Variants in SGSM1 observed in about 807,000 individuals in gnomAD.
SGSM1 encodes the protein small G protein signaling modulator 1, also known as RUN and TBC1 domain containing 2.
In SGSM1, 73 loss-of-function variants were observed where a neutral mutation model predicts 133.8. The observed-to-expected ratio is 0.55, with a 90% CI of 0.45 to 0.66. The LOEUF (loss-of-function observed/expected upper bound fraction) is 0.66. SGSM1 is among the 30% of genes least tolerant of loss of function. The probability of loss-of-function intolerance (pLI) is 0.00; values close to 1 mark genes in which losing one functional copy is unlikely to be tolerated. For missense variants in SGSM1, 1,213 were observed against 1,448.1 expected, an observed-to-expected ratio of 0.84 and a Z score of 2.64; for synonymous variants, 563 against 573.0, an observed-to-expected ratio of 0.98 and a Z score of 0.25.
chr22:24,851,488 T>A (rs1212843294), intron 5 of SGSM1, among the ~76,000 whole-genome samples: 1 of 134,430 alleles, frequency 7.4e-6, no homozygotes, highest in African/African-American at 2.7e-5. Context: ...GAGAGAGAAA[T>A]ATCTCAGAAT....
At chr22:24,808,270 C>T (rs1167610375) in intron 2 of SGSM1, among the ~76,000 whole-genome samples, 2 of 152,002 alleles carry the variant, frequency 1.3e-5, no homozygotes, top group Non-Finnish European at 2.9e-5. Flanking sequence ...CCACCATGTC[C>T]GGCTAATTTT....
At chr22:24,868,934 A>C in intron 12 of SGSM1, 79 bp downstream of exon 12, 1 of 1,556,252 alleles carries the variant, frequency 6.4e-7, no homozygotes. Context: ...TGAAACTAGA[A>C]GATGACAGGT....
intron 13 of SGSM1, among the ~76,000 whole-genome samples, chr22:24,877,117 G>C (rs548394773): frequency 1.3e-5 from 2 of 152,148 alleles, no homozygotes; most frequent in Non-Finnish European, 2.9e-5. Context: ...ACGATAAAAA[G>C]GCTCTGCCCA....
At chr22:24,903,629 G>T (rs924677321) in intron 20 of SGSM1, among the ~76,000 whole-genome samples, 2 of 151,960 alleles carry the variant, frequency 1.3e-5, no homozygotes, top group African/African-American at 4.8e-5. Flanking sequence ...TAAGGCATAG[G>T]GAGAAATCAT....
intron 21 of SGSM1, among the ~76,000 whole-genome samples, chr22:24,911,037 A>T (rs1283521325): frequency 2.0e-5 from 3 of 152,050 alleles, no homozygotes; most frequent in African/African-American, 7.2e-5. Context: ...GCAGATTGTG[A>T]CTAGCCTGGG....
intron 14 of SGSM1, among the ~76,000 whole-genome samples, chr22:24,882,999 G>A (rs1932417948): frequency 2.0e-5 from 3 of 151,544 alleles, no homozygotes; most frequent in South Asian, 4.2e-4. Context: ...CTGGGTTCAC[G>A]CCATTCTCCT....
intron 13 of SGSM1, among the ~76,000 whole-genome samples, chr22:24,878,314 G>A (rs1246241918): frequency 1.3e-5 from 2 of 152,184 alleles, no homozygotes; most frequent in Non-Finnish European, 2.9e-5. Flanking sequence ...CCCCTCTCCT[G>A]TTGTAGCATC....
chr22:24,883,071 A>AT (rs756077282), intron 14 of SGSM1, among the ~76,000 whole-genome samples: 9,032 of 139,082 alleles, frequency 0.065, 612 homozygotes, highest in African/African-American at 0.18. Context: ...ATTTTTTTGT[A>AT]TTTTTTTTTT....
In SGSM1 at chr22:24,906,535, A is replaced by G. The variant is rs545458697; in HGVS notation, c.2818+1348A>G. 3.3e-5 allele frequency among the ~76,000 whole-genome samples: 5 copies of G among 152,398 alleles called. No homozygotes were observed. In the East Asian group the frequency reaches 9.6e-4, roughly 29 times the overall value. ...CTGATAAGTGTATCAAGGTTGCAGG[A>G]TATAAGATCAATAAACAAGAGTCTC... On this transcript the variant is annotated intron_variant, in intron 21 of 24. Transcript: ENST00000400358.
At chr22:24,862,681 A>G (rs1407297592) in intron 9 of SGSM1, among the ~76,000 whole-genome samples, 3 of 152,182 alleles carry the variant, frequency 2.0e-5, no homozygotes, top group Non-Finnish European at 2.9e-5. Context: ...CAAGGAAAGG[A>G]GGGGAAAATC....
At chr22:24,866,682 A>C (rs1354767983) in intron 9 of SGSM1, among the ~76,000 whole-genome samples, 1 of 152,126 alleles carries the variant, frequency 6.6e-6, no homozygotes, top group Non-Finnish European at 1.5e-5. Context: ...TCCAGACAGG[A>C]TGGGGCATCT....
chr22:24,833,706 A>G (rs1929259634), intron 2 of SGSM1, among the ~76,000 whole-genome samples: 1 of 152,102 alleles, frequency 6.6e-6, no homozygotes, highest in African/African-American at 2.4e-5. Flanking sequence ...AAGGGAACAC[A>G]GTTAAGCCCA....
At chr22:24,886,879 CAT>C (rs1932638532) in intron 16 of SGSM1, among the ~76,000 whole-genome samples, 151 bp downstream of exon 16, 1 of 151,952 alleles carries the variant, frequency 6.6e-6, no homozygotes, top group Admixed American at 6.6e-5. Flanking sequence ...CCAATAGAAA[CAT>C]AACACAAGCC....
At chr22:24,826,024 G>A (rs1320123110) in intron 2 of SGSM1, among the ~76,000 whole-genome samples, 1 of 152,214 alleles carries the variant, frequency 6.6e-6, no homozygotes, top group East Asian at 1.9e-4. Flanking sequence ...ACTGTGCTGG[G>A]TGCTTTAAAC....
Position 24,901,873 on chromosome 22 carries a change from T to A in SGSM1, c.2651T>A (p.Ile884Asn). Reference sequence around the variant, plus strand: ...CTGTACACGGTGAACCTGCACCGCATCGAGAAGGATGTGCAGAGGTGCGAC... The same window carrying A: ...CTGTACACGGTGAACCTGCACCGCAACGAGAAGGATGTGCAGAGGTGCGAC... The part of the protein sequence containing the change: ...LDLYTVNLHR[I>N]EKDVQRCDRN... The change falls in exon 20 of 25, where the codon ATC becomes AAC. Residue 884 changes from isoleucine to asparagine, a missense_variant. Coordinates refer to ENST00000400358, the MANE Select transcript of SGSM1 (RefSeq NM_001098497.3). The A allele has an allele frequency of 6.2e-7, 1 of 1,612,094 alleles. No homozygotes were observed. Among genetic ancestry groups the A allele is most frequent in the Non-Finnish European group, 8.5e-7 (1 of 1,179,296 alleles).
At position 24,855,243 on chromosome 22, in the gene SGSM1, C is replaced by A. The variant is rs745796470; in HGVS notation, c.524-42C>A. ...ATCTGCTGGTAGACATGCGGGAGGA[C>A]TTTCCGGGGCAGTGGGTTTCCAGCC... On this transcript the variant is annotated intron_variant, in intron 6 of 24. Transcript: ENST00000400358. 17 of 1,585,520 alleles carry A rather than the reference C, an allele frequency of 1.1e-5. No individual in the cohort carries two copies. The Admixed American group carries it at 1.3e-4, about 12-fold the overall frequency.
At chr22:24,813,964 C>T (rs1927911364) in intron 2 of SGSM1, 1 of 152,250 alleles carries the variant, frequency 6.6e-6, no homozygotes, top group African/African-American at 2.4e-5. Context: ...AGACCTGTGT[C>T]CTTGTTCCAG....
In SGSM1 at chr22:24,806,241, T is replaced by TGCC; in HGVS notation, c.-83_-82insCGC. 7.7e-7 allele frequency: 1 copy of TGCC among 1,303,310 alleles called. No homozygotes were observed. Among genetic ancestry groups the TGCC allele is most frequent in the Non-Finnish European group, 9.7e-7 (1 of 1,031,272 alleles). 80.7% of individuals were successfully genotyped at this position (1,303,310 alleles called of 1,614,324 possible). ...GCGCTCGGCCCCGCCCCGCCGCGGC[T>TGCC]GCAGCAGCAGCGCCGCGGCCGGAGG... is the stretch of plus-strand genomic sequence containing the variant. On this transcript the variant is annotated 5_prime_UTR_variant, in exon 1 of 25. Coordinates refer to ENST00000400358, the MANE Select transcript of SGSM1 (RefSeq NM_001098497.3).
At chr22:24,834,411 A>T (rs1391610629) in intron 2 of SGSM1, among the ~76,000 whole-genome samples, 2 of 152,262 alleles carry the variant, frequency 1.3e-5, no homozygotes, top group East Asian at 3.8e-4. Context: ...ATTGGGACAC[A>T]GCCATGCCCA....
Sources: allele counts gnomAD v4.1 joint callset (sites outside exome capture counted in the v4.1 genomes callset), GRCh38; gene constraint gnomAD v4.1.1; transcripts MANE v1.5; gene names NCBI Gene and HGNC (gene_info 2026-07-23, HGNC 2026-07-21).